Variants in NTRK3 observed in about 807,000 individuals in gnomAD.
NTRK3 encodes the protein NT-3 growth factor receptor.
Under a neutral mutation model 91.7 loss-of-function variants are expected in NTRK3, and 24 were observed. That is an observed-to-expected ratio of 0.26 (90% CI 0.19 to 0.37). The LOEUF (loss-of-function observed/expected upper bound fraction) is 0.37, where lower values mean the gene tolerates loss of function less well. Ranked by LOEUF, NTRK3 falls within the 10% of genes least tolerant of loss-of-function variation. NTRK3 has a pLI of 1.00. For synonymous variants in NTRK3, 483 were observed against 404.0 expected (o/e 1.20, Z -2.34); for missense variants, 880 against 1,068.9 (o/e 0.82, Z 2.46).
intron 14 of NTRK3, among the ~76,000 whole-genome samples, chr15:87,964,806 T>C (rs2072641003): frequency 6.6e-6 from 1 of 152,234 alleles, no homozygotes; most frequent in Non-Finnish European, 1.5e-5. Context: ...TTGTAGCATG[T>C]GTAAGTGCTT....
At chr15:88,138,261 T>C (rs370582214) in intron 6 of NTRK3, among the ~76,000 whole-genome samples, 6 of 150,582 alleles carry the variant, frequency 4.0e-5, no homozygotes, top group African/African-American at 1.5e-4. Context: ...AAACAAAAAA[T>C]TAGCCGGGCG....
At position 88,049,293 on chromosome 15, in the gene NTRK3, TCC is replaced by T. The variant is rs1200906459; in HGVS notation, c.1397-16250_1397-16249del. Among the ~76,000 whole-genome samples, 120 of 152,290 alleles carry T rather than the reference TCC, an allele frequency of 7.9e-4. 2 individuals are homozygous for T. In the South Asian group the frequency reaches 0.024, roughly 30 times the overall value. ...TCCCCTAGTTTTCAAGAGTTTATGTTCCCAGGGCAGCAGGCATAATTTTGACC... is the reference window on the plus strand; with the variant it reads ...TCCCCTAGTTTTCAAGAGTTTATGTTCAGGGCAGCAGGCATAATTTTGACC... On this transcript the variant is annotated intron_variant, in intron 13 of 18. Coordinates refer to ENST00000394480, the Ensembl canonical transcript of NTRK3.
chr15:88,011,346 T>C (rs2076868562), intron 14 of NTRK3, among the ~76,000 whole-genome samples: 1 of 152,200 alleles, frequency 6.6e-6, no homozygotes, highest in Non-Finnish European at 1.5e-5. Context: ...AGAAAGTTTA[T>C]CTGGGAATGA....
At chr15:88,125,512 C>T (rs750144618) in intron 13 of NTRK3, among the ~76,000 whole-genome samples, 1 of 148,220 alleles carries the variant, frequency 6.7e-6, no homozygotes, top group Non-Finnish European at 1.5e-5. Flanking sequence ...ACATGGAAAC[C>T]CCAGCTGGGA....
At chr15:88,020,281 C>T (rs1359008339) in intron 14 of NTRK3, among the ~76,000 whole-genome samples, 17 of 152,266 alleles carry the variant, frequency 1.1e-4, no homozygotes, top group Non-Finnish European at 1.9e-4. Context: ...CACAGAGTTT[C>T]GGTCTCATTA....
chr15:88,148,668 T>G (rs1246777668), intron 5 of NTRK3, among the ~76,000 whole-genome samples: 35 of 151,772 alleles, frequency 2.3e-4, no homozygotes, highest in Admixed American at 2.3e-3. Flanking sequence ...GGGGAGGAGT[T>G]TGGATTTGAT....
intron 13 of NTRK3, among the ~76,000 whole-genome samples, chr15:88,042,858 T>C (rs1379537590): frequency 2.6e-5 from 4 of 152,182 alleles, no homozygotes; most frequent in South Asian, 2.1e-4. Context: ...AGTTAATAAA[T>C]GGTAAACAGA....
chr15:87,917,987 G>GT lies in NTRK3; in HGVS notation c.2133+11203dup, dbSNP rs944067908. Among the ~76,000 whole-genome samples the GT allele has an allele frequency of 9.3e-5, 10 of 107,794 alleles. No homozygotes were observed. In the South Asian group the frequency reaches 1.6e-3, roughly 17 times the overall value. 70.7% of individuals were successfully genotyped at this position (107,794 alleles called of 152,430 possible). A position where few individuals can be genotyped will look rare whatever the true frequency, so the allele number is the denominator to read the frequency against. On this transcript the variant is annotated intron_variant, in intron 17 of 18. Coordinates refer to ENST00000394480, the Ensembl canonical transcript of NTRK3. ...ACACATCCTGACCCTCCATTTCACTGTTTTTTTGTGTTTTTTTTTTGTTTT... is the reference window on the plus strand; with the variant it reads ...ACACATCCTGACCCTCCATTTCACTGTTTTTTTTGTGTTTTTTTTTTGTTTT...
At chr15:88,238,887 G>A (rs1379018015) in intron 3 of NTRK3, among the ~76,000 whole-genome samples, 1 of 152,154 alleles carries the variant, frequency 6.6e-6, no homozygotes, top group Non-Finnish European at 1.5e-5. Flanking sequence ...AGTCAGCCTG[G>A]GCTGGAATCC....
intron 5 of NTRK3, among the ~76,000 whole-genome samples, chr15:88,150,791 C>T (rs1342392139): frequency 6.6e-6 from 1 of 152,172 alleles, no homozygotes; most frequent in African/African-American, 2.4e-5. Context: ...CAAACATATA[C>T]ACACCACAAA....
chr15:88,100,467 G>A (rs548312161), intron 13 of NTRK3, among the ~76,000 whole-genome samples: 5 of 152,272 alleles, frequency 3.3e-5, no homozygotes, highest in South Asian at 2.1e-4. Flanking sequence ...CTCAGATGGC[G>A]GAAACAGAGT....
intron 14 of NTRK3, among the ~76,000 whole-genome samples, chr15:88,018,030 T>C (rs1450840910): frequency 3.9e-5 from 6 of 152,088 alleles, no homozygotes; most frequent in Non-Finnish European, 5.9e-5. Context: ...ACAATCTGGG[T>C]GACAAATCAA....
chr15:87,889,500 G>C (rs1044370707), intron 17 of NTRK3, among the ~76,000 whole-genome samples: 2 of 150,454 alleles, frequency 1.3e-5, no homozygotes, highest in Non-Finnish European at 2.9e-5. Context: ...CACCTCCCGG[G>C]TTCAAGCAAT....
intron 17 of NTRK3, among the ~76,000 whole-genome samples, chr15:87,915,376 T>C (rs372758844): frequency 6.6e-6 from 1 of 152,214 alleles, no homozygotes; most frequent in Non-Finnish European, 1.5e-5. Flanking sequence ...TAAGGACATC[T>C]GGAGAAGGAG....
At chr15:88,193,215 G>A (rs2047551796) in intron 3 of NTRK3, among the ~76,000 whole-genome samples, 3 of 152,096 alleles carry the variant, frequency 2.0e-5, no homozygotes, top group Admixed American at 2.0e-4. Flanking sequence ...AGCAGCCCAG[G>A]GCCCTGGTCT....
At chr15:87,892,135 A>G (rs964723216) in intron 17 of NTRK3, among the ~76,000 whole-genome samples, 10 of 147,080 alleles carry the variant, frequency 6.8e-5, no homozygotes, top group Non-Finnish European at 1.3e-4. Flanking sequence ...CCACTCTCCA[A>G]AAGGAAGGAC....
rs936659118 is a variant in NTRK3, at chr15:88,196,890, T to A, written c.249-12591A>T. On this transcript the variant is annotated intron_variant, in intron 3 of 18. Coordinates refer to ENST00000394480, the Ensembl canonical transcript of NTRK3. ...AAGTTCTTGTTATCACAATATGCAT[T>A]CCCCTGAACTCTAAAGAGCAAATAT... Among the ~76,000 whole-genome samples the A allele has an allele frequency of 2.0e-5, 3 of 152,040 alleles. No homozygotes were observed. In the East Asian group the frequency reaches 5.8e-4, roughly 29 times the overall value.
chr15:88,160,228 CAG>C (rs1448989773), intron 5 of NTRK3, among the ~76,000 whole-genome samples: 2 of 152,130 alleles, frequency 1.3e-5, no homozygotes, highest in African/African-American at 2.4e-5. Context: ...TGCTGCTGAG[CAG>C]AGAGAGGGAA....
intron 17 of NTRK3, among the ~76,000 whole-genome samples, chr15:87,904,842 T>C (rs2066664607): frequency 6.6e-6 from 1 of 152,214 alleles, no homozygotes; most frequent in South Asian, 2.1e-4. Flanking sequence ...AGAAGCCAAC[T>C]GTGTTGAGAT....
Sources: gnomAD v4.1 joint callset for allele counts (sites outside exome capture counted in the v4.1 genomes callset) on GRCh38, gnomAD v4.1.1 for gene constraint, MANE v1.5 for transcripts, NCBI Gene and HGNC (gene_info 2026-07-23, HGNC 2026-07-21) for gene names.